The following CLEC16A variants were observed in gnomAD, a reference collection of about 807,000 sequenced individuals.
The protein encoded by CLEC16A is C-type lectin domain containing 16A.
CLEC16A carries 51 observed loss-of-function variants against 109.5 expected under a neutral mutation model. That is an observed-to-expected ratio of 0.47 (90% CI 0.37 to 0.59). The LOEUF is 0.59. Ranked by LOEUF, CLEC16A falls within the 20% of genes least tolerant of loss-of-function variation. The pLI is 0.00. For synonymous variants in CLEC16A, 673 were observed against 564.2 expected (o/e 1.19, Z -2.73); for missense variants, 1,339 against 1,394.0 (o/e 0.96, Z 0.63).
chr16:11,089,966 C>CCA (rs2050213900), intron 19 of CLEC16A, among the ~76,000 whole-genome samples: 1 of 152,208 alleles, frequency 6.6e-6, no homozygotes, highest in Non-Finnish European at 1.5e-5. Flanking sequence ...TGTTTGGAGG[C>CCA]CACACAGCTG....
Position 11,178,541 on chromosome 16 carries a change from G to T in CLEC16A, c.3013G>T (p.Glu1005Ter). 1 of 1,612,916 alleles carries T rather than the reference G, an allele frequency of 6.2e-7. No individual in the cohort carries two copies. Among genetic ancestry groups the T allele is most frequent in the Non-Finnish European group, 8.5e-7 (1 of 1,179,836 alleles). Residue 1005 changes from glutamate (E) to a stop codon, truncating the protein, a stop_gained, in exon 24 of 24, where the codon GAA (glutamate) becomes TAA (stop). Transcript: ENST00000409790. LOFTEE classifies it low-confidence loss of function (END_TRUNC). This position sits in a 1 kb window ranked among gnomAD's most constrained non-coding sequence, Gnocchi z 6.5. ...CEDTADTLSV[E>*]SLTLVPPVDP... The stretch of plus-strand genomic sequence containing the variant: ...GGACACGGCTGACACGCTGAGCGTC[G>T]AATCGCTGACCCTTGTCCCCCCAGT...
chr16:11,140,728 G>C (rs2053784662), intron 22 of CLEC16A, among the ~76,000 whole-genome samples: 2 of 152,192 alleles, frequency 1.3e-5, no homozygotes, highest in South Asian at 4.2e-4. Context: ...CTGTGCCCAG[G>C]TGTAAGCCAT....
At chr16:11,088,908 A>G (rs1437058653) in intron 19 of CLEC16A, among the ~76,000 whole-genome samples, 3 of 152,202 alleles carry the variant, frequency 2.0e-5, no homozygotes, top group Non-Finnish European at 4.4e-5. Context: ...AAACATATTC[A>G]CATTGTAAAA....
At chr16:11,156,441 G>C (rs12922908) in intron 22 of CLEC16A, 7,405 of 324,228 alleles carry the variant, frequency 0.023, 120 homozygotes, top group Non-Finnish European at 0.032. Context: ...GCCATCCTTT[G>C]CAAGCAGGGC....
intron 22 of CLEC16A, among the ~76,000 whole-genome samples, chr16:11,155,455 C>T (rs1021304263): frequency 6.6e-6 from 1 of 152,228 alleles, no homozygotes; most frequent in African/African-American, 2.4e-5. Context: ...TTCTCCCCTG[C>T]AGATAGCAGA....
intron 18 of CLEC16A, among the ~76,000 whole-genome samples, chr16:11,055,387 G>A (rs1046213124): frequency 6.6e-6 from 1 of 151,966 alleles, no homozygotes; most frequent in Non-Finnish European, 1.5e-5. Context: ...GAAGGTTAAA[G>A]TGATAAAGGA....
rs1244876651 is a variant in CLEC16A, at chr16:11,039,848, C to T, written c.1632C>T (p.Ile544=). 4 of 1,612,890 alleles carry T rather than the reference C, an allele frequency of 2.5e-6. No individual in the cohort carries two copies. The highest frequency in any genetic ancestry group is 2.2e-5 in the East Asian group (1 of 44,832). ...ACCACCCGCTAGCTGAAAGACTCAT[C>T]AGGATCATGAACAACGCTGCCCAGC... ...TYNHPLAERL[I]RIMNNAAQPD... Residue 544 remains isoleucine, a synonymous_variant, in exon 14 of 24, where the codon ATC becomes ATT. Coordinates refer to ENST00000409790, the MANE Select transcript of CLEC16A (RefSeq NM_015226.3).
intron 19 of CLEC16A, among the ~76,000 whole-genome samples, chr16:11,106,185 A>G (rs184182158): frequency 6.6e-6 from 1 of 152,328 alleles, no homozygotes; most frequent in East Asian, 1.9e-4. Context: ...TTTTCCCCAA[A>G]AAATTTTATT....
At chr16:11,072,145 G>A (rs9934969) in intron 19 of CLEC16A, among the ~76,000 whole-genome samples, 60,639 of 151,832 alleles carry the variant, frequency 0.4, 13,243 homozygotes, top group African/African-American at 0.59. Context: ...TTTTTGAGAC[G>A]GGATCTCGTT....
At chr16:11,001,669 A>T (rs1317975380) in intron 10 of CLEC16A, among the ~76,000 whole-genome samples, 3 of 152,098 alleles carry the variant, frequency 2.0e-5, no homozygotes. Flanking sequence ...CACTAGCCTC[A>T]TTCTGTCGCC....
intron 11 of CLEC16A, among the ~76,000 whole-genome samples, chr16:11,011,642 C>T (rs181844823): frequency 1.3e-5 from 2 of 152,278 alleles, no homozygotes; most frequent in East Asian, 1.9e-4. Flanking sequence ...TGGATGTGCT[C>T]ATCGCTACTG....
chr16:11,105,432 G>A (rs1452042466), intron 19 of CLEC16A, among the ~76,000 whole-genome samples: 2 of 152,186 alleles, frequency 1.3e-5, no homozygotes, highest in Non-Finnish European at 2.9e-5. Flanking sequence ...ACATGTTCTG[G>A]ACACATGGGA....
chr16:11,082,243 C>T (rs753115392), intron 19 of CLEC16A, among the ~76,000 whole-genome samples: 1 of 152,198 alleles, frequency 6.6e-6, no homozygotes, highest in Non-Finnish European at 1.5e-5. Context: ...CGTGGGAAAT[C>T]GCGACGGCGT....
At position 11,044,070 on chromosome 16, in the gene CLEC16A, A is replaced by G; in HGVS notation, c.1813A>G (p.Lys605Glu). The G allele has an allele frequency of 1.2e-6, 2 of 1,608,288 alleles. No individual in the cohort carries two copies. The highest frequency in any genetic ancestry group is 1.7e-6 in the Non-Finnish European group (2 of 1,176,480). The change falls in exon 16 of 24, where the codon AAG becomes GAG. Residue 605 changes from lysine (K) to glutamate (E), a missense_variant and splice_region_variant. By Grantham distance (56) the Lys-to-Glu change is moderately conservative (BLOSUM62 1). This residue lies in a region of CLEC16A where 1,061 missense variants were observed against 1,006.8 expected (regional missense o/e 1.05). Transcript: ENST00000409790. The stretch of plus-strand genomic sequence containing the variant: ...TGTTCACCTTGTACGACATTTTTAT[A>G]AGGTAATTGGCAGAGCACAGATGGA... ...ESVHLVRHFY[K>E]GEDIFLDMFE...
chr16:11,096,402 G>A (rs1004997231), intron 19 of CLEC16A, among the ~76,000 whole-genome samples: 1 of 152,042 alleles, frequency 6.6e-6, no homozygotes, highest in African/African-American at 2.4e-5. Flanking sequence ...CCACTTCCCT[G>A]GATAACCACA....
Position 11,077,517 on chromosome 16 carries a change from C to T in CLEC16A, c.2116+16495C>T, listed in dbSNP as rs558347994. On this transcript the variant is annotated intron_variant, in intron 19 of 23. Coordinates refer to ENST00000409790, the MANE Select transcript of CLEC16A (RefSeq NM_015226.3). ...AAGAAAAGAAAAAACATTAGCCAGGCGTAGTGGCGTGTGCCTGTAGTTTCA... is the reference window on the plus strand; with the variant it reads ...AAGAAAAGAAAAAACATTAGCCAGGTGTAGTGGCGTGTGCCTGTAGTTTCA... Among the ~76,000 whole-genome samples, 9 of 150,668 alleles carry T rather than the reference C, an allele frequency of 6.0e-5. No individual in the cohort carries two copies. The South Asian group carries it at 1.5e-3, about 25-fold the overall frequency.
intron 19 of CLEC16A, among the ~76,000 whole-genome samples, chr16:11,096,584 A>G (rs937296785): frequency 1.3e-5 from 2 of 152,344 alleles, no homozygotes; most frequent in African/African-American, 4.8e-5. Context: ...ACTTGTAACC[A>G]TACCATACCC....
At chr16:10,947,078 G>C (rs995288624) in intron 1 of CLEC16A, among the ~76,000 whole-genome samples, 11 of 152,230 alleles carry the variant, frequency 7.2e-5, no homozygotes, top group Non-Finnish European at 1.6e-4. Flanking sequence ...GAACTGCCTG[G>C]GTTCATTGTT....
At chr16:10,983,797 C>T (rs1277478520) in intron 10 of CLEC16A, among the ~76,000 whole-genome samples, 3 of 152,084 alleles carry the variant, frequency 2.0e-5, no homozygotes, top group African/African-American at 7.2e-5. Flanking sequence ...TTTGAACCTG[C>T]GCCTTTACCG....
Sources: gnomAD v4.1 joint callset for allele counts (sites outside exome capture counted in the v4.1 genomes callset) on GRCh38, gnomAD v4.1.1 for gene constraint, gnomAD v4.1.1 regional missense constraint, Gnocchi (gnomAD v3.1) non-coding constraint, MANE v1.5 for transcripts, NCBI Gene and HGNC (gene_info 2026-07-23, HGNC 2026-07-21) for gene names.